Variants in CLVS1 observed in about 807,000 individuals in gnomAD.
The protein encoded by CLVS1 is clavesin-1.
Under a neutral mutation model 33.1 loss-of-function variants are expected in CLVS1, and 10 were observed. The observed-to-expected ratio is 0.30, with a 90% confidence interval of 0.19 to 0.51. The LOEUF (loss-of-function observed/expected upper bound fraction) is 0.51, where lower values mean the gene tolerates loss of function less well. Ranked by LOEUF, CLVS1 falls within the 20% of genes least tolerant of loss-of-function variation. The probability of loss-of-function intolerance (pLI) is 0.97; values close to 1 mark genes in which losing one functional copy is unlikely to be tolerated. For missense variants in CLVS1, 343 were observed against 433.4 expected (o/e 0.79, Z 1.85); for synonymous variants, 163 against 166.1 (o/e 0.98, Z 0.14).
chr8:61,464,619 T>A (rs1261816959), intron 5 of CLVS1: 1 of 152,280 alleles, frequency 6.6e-6, no homozygotes, highest in East Asian at 1.9e-4. Flanking sequence ...TGTGGAAGGT[T>A]TGGCTGACCC....
At chr8:60,997,245 C>T in the CLVS1 span, among the ~76,000 whole-genome samples, 1 of 151,998 alleles carries the variant, frequency 6.6e-6, no homozygotes. Flanking sequence ...AGCGAAAACT[C>T]GGGGAATTCT....
intron 2 of CLVS1, among the ~76,000 whole-genome samples, chr8:61,257,493 A>G (rs1280712326): frequency 6.6e-6 from 1 of 152,230 alleles, no homozygotes; most frequent in Non-Finnish European, 1.5e-5. Context: ...TCTGTCCTCT[A>G]AAATTAACTT....
At chr8:61,495,931 T>C (rs1333154271) in intron 5 of CLVS1, among the ~76,000 whole-genome samples, 1 of 152,162 alleles carries the variant, frequency 6.6e-6, no homozygotes, top group Non-Finnish European at 1.5e-5. Flanking sequence ...TAGCCTTGGC[T>C]GGGCAGGTGT....
At chr8:61,109,214 T>G (rs945562896) in intron 1 of CLVS1, among the ~76,000 whole-genome samples, 1 of 151,058 alleles carries the variant, frequency 6.6e-6, no homozygotes, top group Non-Finnish European at 1.5e-5. Context: ...GTGCACTTCC[T>G]TTTTTTTTCA....
Position 61,401,966 on chromosome 8 carries a change from G to A in CLVS1, c.630+25187G>A, listed in dbSNP as rs150534744. On this transcript the variant is annotated intron_variant, in intron 3 of 5. Transcript: ENST00000325897. ...AGAATTAAACTTACTGCTCTGCATTGTTGATTTAAGTTTCTGCCTCTTCAA... is the reference window on the plus strand; with the variant it reads ...AGAATTAAACTTACTGCTCTGCATTATTGATTTAAGTTTCTGCCTCTTCAA... 2.2e-3 allele frequency among the ~76,000 whole-genome samples: 339 copies of A among 152,162 alleles called. 2 individuals carry two copies. The highest frequency in any genetic ancestry group is 6.7e-3 in the African/African-American group (277 of 41,516).
the CLVS1 span, among the ~76,000 whole-genome samples, chr8:61,042,628 T>C: frequency 0.2 from 29,634 of 151,930 alleles, 3,931 homozygotes; most frequent in African/African-American, 0.38. Flanking sequence ...TCTGGGGAGA[T>C]AGAAACATTC....
chr8:61,239,231 T>C (rs74645119), intron 2 of CLVS1, among the ~76,000 whole-genome samples: 1,820 of 152,334 alleles, frequency 0.012, 45 homozygotes, highest in African/African-American at 0.042. Context: ...ACAAATGTAC[T>C]ATTGCCCCCT....
rs56261690 is a variant in CLVS1, at chr8:61,356,732, C to T, written c.456-19873C>T. Among the ~76,000 whole-genome samples the T allele has an allele frequency of 3.3e-3, 505 of 152,214 alleles. 2 individuals are homozygous for T. The highest frequency in any genetic ancestry group is 0.011 in the African/African-American group (458 of 41,530). ...CAAAAGTCAGATAGTTGTAGATGTGCGGCATTATTTCTGAGGGCTCTGTTC... is the reference window on the plus strand; with the variant it reads ...CAAAAGTCAGATAGTTGTAGATGTGTGGCATTATTTCTGAGGGCTCTGTTC... On this transcript the variant is annotated intron_variant, in intron 2 of 5. Transcript: ENST00000325897.
chr8:61,096,454 A>G (rs1423718585), intron 1 of CLVS1, among the ~76,000 whole-genome samples: 1 of 152,270 alleles, frequency 6.6e-6, no homozygotes, highest in Non-Finnish European at 1.5e-5. Flanking sequence ...GTTTTAGAAT[A>G]CAAAAAGAAA....
At chr8:61,214,655 C>T (rs921110687) in intron 2 of CLVS1, among the ~76,000 whole-genome samples, 13 of 152,194 alleles carry the variant, frequency 8.5e-5, no homozygotes, top group Admixed American at 8.5e-4. Context: ...ATTTTTCTTG[C>T]TTAAGCTGCC....
intron 5 of CLVS1, among the ~76,000 whole-genome samples, chr8:61,494,911 G>C (rs537442933): frequency 1.3e-5 from 2 of 152,154 alleles, no homozygotes; most frequent in African/African-American, 4.8e-5. Context: ...AAGACTGTAT[G>C]GTCATCTTCT....
chr8:60,985,253 C>T, the CLVS1 span, among the ~76,000 whole-genome samples: 7 of 152,196 alleles, frequency 4.6e-5, no homozygotes, highest in East Asian at 7.7e-4. Context: ...GCTTTCAATC[C>T]GCTGTGAGTC....
intron 2 of CLVS1, among the ~76,000 whole-genome samples, chr8:61,325,863 T>C (rs766365871): frequency 1.3e-5 from 2 of 152,176 alleles, no homozygotes; most frequent in African/African-American, 4.8e-5. Context: ...ACTGAAGAAT[T>C]TCCTATTTAT....
At chr8:61,274,312 C>A (rs1183252556) in intron 2 of CLVS1, among the ~76,000 whole-genome samples, 1 of 152,002 alleles carries the variant, frequency 6.6e-6, no homozygotes, top group Non-Finnish European at 1.5e-5. Context: ...TTAAATATTT[C>A]TTTGACTTTT....
intron 2 of CLVS1, among the ~76,000 whole-genome samples, chr8:61,264,203 T>C (rs1809260283): frequency 1.3e-5 from 2 of 152,064 alleles, no homozygotes; most frequent in Admixed American, 6.5e-5. Context: ...TGTATCTCTC[T>C]GGGTGATCTC....
chr8:61,161,801 C>G (rs558385121), intron 2 of CLVS1, among the ~76,000 whole-genome samples: 1 of 151,968 alleles, frequency 6.6e-6, no homozygotes, highest in South Asian at 2.1e-4. Flanking sequence ...ATGTTCTCAT[C>G]GCAAAAAAAT....
At chr8:61,156,305 CCCT>C (rs1806648159) in intron 2 of CLVS1, among the ~76,000 whole-genome samples, 1 of 151,858 alleles carries the variant, frequency 6.6e-6, no homozygotes, top group Admixed American at 6.6e-5. Flanking sequence ...AGCTCTATGC[CCCT>C]ATTCATTCTG....
chr8:61,489,703 A>C (rs913183936), intron 5 of CLVS1, among the ~76,000 whole-genome samples: 2 of 152,212 alleles, frequency 1.3e-5, no homozygotes, highest in African/African-American at 4.8e-5. Flanking sequence ...ACTCCTGTAG[A>C]TATTTCTTAA....
the CLVS1 span, among the ~76,000 whole-genome samples, chr8:61,034,658 T>G: frequency 6.6e-6 from 1 of 152,174 alleles, no homozygotes; most frequent in Non-Finnish European, 1.5e-5. Flanking sequence ...CTTATGTAAT[T>G]TGGTGAACTT....
Sources: gnomAD v4.1 joint callset for allele counts (sites outside exome capture counted in the v4.1 genomes callset) on GRCh38, gnomAD v4.1.1 for gene constraint, MANE v1.5 for transcripts, NCBI Gene and HGNC (gene_info 2026-07-23, HGNC 2026-07-21) for gene names.